The following DNAH14 variants were observed in gnomAD, a reference collection of about 807,000 sequenced individuals.
DNAH14 encodes dynein axonemal heavy chain 14, also known as axonemal beta dynein heavy chain 14.
DNAH14 carries 478 observed loss-of-function variants against 520.9 expected under a neutral mutation model. That is an observed-to-expected ratio of 0.92 (90% CI 0.85 to 0.99). The LOEUF (loss-of-function observed/expected upper bound fraction) is 0.99. DNAH14 is among the 50% of genes least tolerant of loss of function. The pLI is 0.00. For missense variants in DNAH14, 4,831 were observed against 5,234.5 expected, an observed-to-expected ratio of 0.92 and a Z score of 2.38; for synonymous variants, 1,581 against 1,757.2, an observed-to-expected ratio of 0.90 and a Z score of 2.51.
chr1:225,064,901 T>C (rs1464042962), intron 17 of DNAH14, among the ~76,000 whole-genome samples: 1 of 151,974 alleles, frequency 6.6e-6, no homozygotes, highest in Admixed American at 6.6e-5. Flanking sequence ...CATTTTTCTA[T>C]ATACAAATTA....
chr1:225,113,241 A>G (rs1268770306), intron 23 of DNAH14, among the ~76,000 whole-genome samples: 1 of 152,196 alleles, frequency 6.6e-6, no homozygotes, highest in Non-Finnish European at 1.5e-5. Context: ...CAGACAAGGT[A>G]CCACCTTGGT....
Position 224,967,497 on chromosome 1 carries a change from A to C in DNAH14, c.565A>C (p.Asn189His). Residue 189 changes from asparagine to histidine, a missense_variant, in exon 6 of 86, where the codon AAT becomes CAT. Asn to His is a moderately conservative substitution (Grantham distance 68). Transcript: ENST00000682510. ...LPRKSPKSLY[N>H]PYDLQVVSAH... ...TCGGAAAAGTCCTAAATCCCTTTAC[A>C]ATCCATATGATCTTCAGGTAGTATC... The C allele has an allele frequency of 6.2e-7, 1 of 1,602,298 alleles. No homozygotes were observed.
Position 225,080,562 on chromosome 1 carries a change from A to G in DNAH14, c.2950A>G (p.Ile984Val), listed in dbSNP as rs1228393730. 6.4e-7 allele frequency: 1 copy of G among 1,552,032 alleles called. No individual in the cohort carries two copies. The highest frequency in any genetic ancestry group is 1.2e-5 in the South Asian group (1 of 84,052). Reference protein sequence around the residue: ...HSVNVEEITQIVLSEISDIEG... With the variant: ...HSVNVEEITQVVLSEISDIEG... ...TGTTAATGTGGAAGAAATTACACAG[A>G]TTGTGCTTTCAGAGATCTCTGACAT... Residue 984 changes from isoleucine to valine, a missense_variant, in exon 19 of 86, where the codon ATT becomes GTT. Coordinates refer to ENST00000682510, the MANE Select transcript of DNAH14 (RefSeq NM_001367479.1).
intron 35 of DNAH14, among the ~76,000 whole-genome samples, chr1:225,164,386 C>T (rs1202322714): frequency 6.6e-6 from 1 of 152,010 alleles, no homozygotes; most frequent in Non-Finnish European, 1.5e-5. Context: ...TTCAAACTTT[C>T]TATATCTTTG....
At chr1:225,034,460 A>T (rs180720108) in intron 11 of DNAH14, among the ~76,000 whole-genome samples, 7 of 151,226 alleles carry the variant, frequency 4.6e-5, no homozygotes, top group Admixed American at 3.3e-4. Context: ...TTCAGTTTGC[A>T]GGTATTTTGT....
intron 1 of DNAH14, among the ~76,000 whole-genome samples, chr1:224,945,715 A>G (rs1366924864): frequency 1.6e-4 from 24 of 152,218 alleles, no homozygotes; most frequent in Admixed American, 4.6e-4. Flanking sequence ...AACAGTCAGG[A>G]CCCTCAGGTG....
chr1:225,184,781 AAG>A (rs998031488), intron 36 of DNAH14, among the ~76,000 whole-genome samples: 10 of 152,180 alleles, frequency 6.6e-5, no homozygotes, highest in Admixed American at 2.6e-4. Context: ...GAAAGAAAGA[AAG>A]AAAAATAAAG....
At chr1:225,169,991 A>C (rs528824869) in intron 36 of DNAH14, among the ~76,000 whole-genome samples, 1 of 152,228 alleles carries the variant, frequency 6.6e-6, no homozygotes, top group Non-Finnish European at 1.5e-5. Context: ...AAGAATTTTC[A>C]ACCCAGAATT....
At chr1:225,335,513 A>ATATGTACATATATACG (rs2094955298) in intron 66 of DNAH14, among the ~76,000 whole-genome samples, 2 of 124,234 alleles carry the variant, frequency 1.6e-5, no homozygotes, top group East Asian at 2.9e-4. Flanking sequence ...ACACATATAC[A>ATATGTACATATATACG]TATGTACATA....
intron 41 of DNAH14, among the ~76,000 whole-genome samples, chr1:225,230,183 A>C (rs1195249098): frequency 6.6e-6 from 1 of 152,162 alleles, no homozygotes; most frequent in Non-Finnish European, 1.5e-5. Flanking sequence ...AATTACTTAT[A>C]ATCATAAAAC....
Position 225,358,762 on chromosome 1 carries a change from A to G in DNAH14, c.11776+110A>G, listed in dbSNP as rs1013358130. The G allele has an allele frequency of 2.6e-6, 3 of 1,162,946 alleles. No individual in the cohort carries two copies. In the African/African-American group the frequency reaches 4.8e-5, roughly 18 times the overall value. The allele number at this position is 1,162,946 out of a possible 1,614,324, so 72.0% of individuals were successfully genotyped here. On this transcript the variant is annotated intron_variant, in intron 74 of 85. Coordinates refer to ENST00000682510, the MANE Select transcript of DNAH14 (RefSeq NM_001367479.1). Reference sequence around the variant, plus strand: ...ATAATCCCCACATGTCAAGGGCGAGACCAGGTAGAGGTAATTGGATCATGG... The same window carrying G: ...ATAATCCCCACATGTCAAGGGCGAGGCCAGGTAGAGGTAATTGGATCATGG...
At chr1:225,325,596 A>G (rs2150234811) in intron 64 of DNAH14, among the ~76,000 whole-genome samples, 1 of 152,330 alleles carries the variant, frequency 6.6e-6, no homozygotes, top group Non-Finnish European at 1.5e-5. Context: ...AAAATACAGT[A>G]TCATTATCAT....
rs1232423862 is a variant in DNAH14, at chr1:225,007,506, A to T, written c.1069A>T (p.Asn357Tyr). The T allele has an allele frequency of 9.1e-6, 14 of 1,537,760 alleles. No homozygotes were observed. The highest frequency in any genetic ancestry group is 1.2e-5 in the Non-Finnish European group (14 of 1,139,332). Reference protein sequence around the residue: ...QALKQLEDIRNKAISEMKSTF... With the variant: ...QALKQLEDIRYKAISEMKSTF... ...ATTGAAACAACTTGAGGACATCAGG[A>T]ATAAAGCAATTTCAGAGATGAAAAG... The change falls in exon 10 of 86, where the codon AAT (asparagine) becomes TAT (tyrosine). Residue 357 changes from asparagine (N) to tyrosine (Y), a missense_variant. Physicochemically the swap from Asn to Tyr is moderately radical, Grantham distance 143 (BLOSUM62 -2). Coordinates refer to ENST00000682510, the MANE Select transcript of DNAH14 (RefSeq NM_001367479.1).
intron 27 of DNAH14, among the ~76,000 whole-genome samples, chr1:225,134,857 AT>A (rs2078815354): frequency 6.6e-6 from 1 of 151,682 alleles, no homozygotes; most frequent in Admixed American, 6.6e-5. Context: ...TGGTCTTGGG[AT>A]TTTTTTGGTT....
chr1:225,307,528 G>A lies in DNAH14; in HGVS notation c.9073G>A (p.Glu3025Lys), dbSNP rs750525365. Reference sequence around the variant, plus strand: ...CACTCTAGTTACAGAAATGCAAGAAGAGCTCTTGATTCTTGGCCCTCAAGT... The same window carrying A: ...CACTCTAGTTACAGAAATGCAAGAAAAGCTCTTGATTCTTGGCCCTCAAGT... ...ATTLVTEMQEELLILGPQVEQ... is the reference protein window; with the variant it reads ...ATTLVTEMQEKLLILGPQVEQ... Residue 3025 changes from glutamate to lysine, a missense_variant, in exon 59 of 86, where the codon GAG becomes AAG. By Grantham distance (56) the Glu-to-Lys change is moderately conservative. Coordinates refer to ENST00000682510, the MANE Select transcript of DNAH14 (RefSeq NM_001367479.1). 1 of 1,547,356 alleles carries A rather than the reference G, an allele frequency of 6.5e-7. No individual in the cohort carries two copies.
intron 60 of DNAH14, among the ~76,000 whole-genome samples, chr1:225,315,268 G>T (rs2094445847): frequency 6.6e-6 from 1 of 151,646 alleles, no homozygotes; most frequent in Non-Finnish European, 1.5e-5. Context: ...AAGTTTTCGT[G>T]CTGGGTTTTT....
Position 225,252,401 on chromosome 1 carries a change from G to C in DNAH14, c.6849G>C (p.Gln2283His). 3 of 1,517,140 alleles carry C rather than the reference G, an allele frequency of 2.0e-6. No homozygotes were observed. The highest frequency in any genetic ancestry group is 2.7e-6 in the Non-Finnish European group (3 of 1,117,000). The allele number at this position is 1,517,140 out of a possible 1,614,324, so 94.0% of individuals were successfully genotyped here. Residue 2283 changes from glutamine to histidine, a missense_variant, in exon 44 of 86, where the codon CAG becomes CAC. Transcript: ENST00000682510. ...GGTCAGATTTAGTTCCTAATGATCA[G>C]ACACTAATTCAAAGAGGTAAGAATA... is the stretch of plus-strand genomic sequence containing the variant. The part of the protein sequence containing the change: ...IPWSDLVPND[Q>H]TLIQRGTSLL...
Position 225,153,802 on chromosome 1 carries a change from G to C in DNAH14, c.5249G>C (p.Gly1750Ala). The C allele has an allele frequency of 6.5e-7, 1 of 1,549,946 alleles. No homozygotes were observed. ...CTGAAGATAGTTTTAATAATGGCTG[G>C]AACGAAGAAACGGGAGTTTAAATGG... The part of the protein sequence containing the change: ...RSLKIVLIMA[G>A]TKKREFKCDT... The change falls in exon 34 of 86, where the codon GGA (glycine) becomes GCA (alanine). Residue 1750 changes from glycine (G) to alanine (A), a missense_variant. Transcript: ENST00000682510.
At chr1:225,349,328 A>G (rs1280248710) in intron 71 of DNAH14, among the ~76,000 whole-genome samples, 1 of 152,202 alleles carries the variant, frequency 6.6e-6, no homozygotes, top group East Asian at 1.9e-4. Flanking sequence ...CAAACTGAGA[A>G]GGGAATCAAA....
Sources: allele counts gnomAD v4.1 joint callset (sites outside exome capture counted in the v4.1 genomes callset), GRCh38; gene constraint gnomAD v4.1.1; transcripts MANE v1.5; gene names NCBI Gene and HGNC (gene_info 2026-07-23, HGNC 2026-07-21).